Variants in LURAP1L observed in about 807,000 individuals in gnomAD.
LURAP1L encodes leucine rich adaptor protein 1-like.
In LURAP1L, 12 loss-of-function variants were observed where a neutral mutation model predicts 13.8. The ratio of observed to expected loss-of-function variants is 0.87; its 90% CI spans 0.56 to 1.41. The LOEUF (loss-of-function observed/expected upper bound fraction) is 1.41, where lower values mean the gene tolerates loss of function less well. LURAP1L is among the 40% of genes most tolerant of loss of function. The probability of loss-of-function intolerance (pLI) is 0.00; values close to 1 mark genes in which losing one functional copy is unlikely to be tolerated. For synonymous variants in LURAP1L, 139 were observed against 119.2 expected (o/e 1.17, Z -1.08); for missense variants, 375 against 292.9 (o/e 1.28, Z -2.04).
At chr9:12,802,328 G>C (rs558198629) in intron 1 of LURAP1L, among the ~76,000 whole-genome samples, 3 of 152,090 alleles carry the variant, frequency 2.0e-5, no homozygotes, top group South Asian at 2.1e-4. Context: ...CTGGTGGGAG[G>C]GGATAGAATC....
intron 1 of LURAP1L, among the ~76,000 whole-genome samples, chr9:12,812,337 T>A (rs1254366779): frequency 6.6e-6 from 1 of 152,212 alleles, no homozygotes; most frequent in East Asian, 1.9e-4. Context: ...ATTTAAATTT[T>A]AACAAGATTT....
intron 1 of LURAP1L, among the ~76,000 whole-genome samples, chr9:12,782,738 T>A (rs984158551): frequency 6.6e-6 from 1 of 152,212 alleles, no homozygotes; most frequent in Non-Finnish European, 1.5e-5. Context: ...TTAGGATCTT[T>A]TTTCTATTTC....
intron 1 of LURAP1L, among the ~76,000 whole-genome samples, chr9:12,780,804 T>C (rs771820111): frequency 2.6e-5 from 4 of 152,066 alleles, no homozygotes; most frequent in Non-Finnish European, 5.9e-5. Context: ...ATAAATTGTA[T>C]AAATAAGAAG....
chr9:12,790,576 A>C (rs1336127270), intron 1 of LURAP1L: 3 of 152,120 alleles, frequency 2.0e-5, no homozygotes, highest in African/African-American at 7.2e-5. Flanking sequence ...CGATTCACTA[A>C]AAAGAAAAAA....
chr9:12,786,835 AC>A (rs958031368), intron 1 of LURAP1L, among the ~76,000 whole-genome samples: 1 of 151,842 alleles, frequency 6.6e-6, no homozygotes, highest in Non-Finnish European at 1.5e-5. Flanking sequence ...GCTGGCCCAC[AC>A]CATGGAAAGT....
chr9:12,788,727 T>A (rs1310033915), intron 1 of LURAP1L, among the ~76,000 whole-genome samples: 1 of 151,958 alleles, frequency 6.6e-6, no homozygotes, highest in Non-Finnish European at 1.5e-5. Context: ...ATGTTAACAG[T>A]GATATCATTG....
intron 1 of LURAP1L, among the ~76,000 whole-genome samples, chr9:12,793,066 G>A (rs999670347): frequency 2.0e-5 from 3 of 151,926 alleles, no homozygotes; most frequent in South Asian, 2.1e-4. Flanking sequence ...TAGTCACTGG[G>A]CCCATGCTGA....
At chr9:12,817,720 G>C (rs1819822777) in intron 1 of LURAP1L, among the ~76,000 whole-genome samples, 1 of 152,166 alleles carries the variant, frequency 6.6e-6, no homozygotes, top group South Asian at 2.1e-4. Flanking sequence ...ATTTTTAATT[G>C]ATGGCTAGAC....
At chr9:12,793,819 G>A (rs185273001) in intron 1 of LURAP1L, among the ~76,000 whole-genome samples, 3 of 152,048 alleles carry the variant, frequency 2.0e-5, no homozygotes, top group South Asian at 2.1e-4. Flanking sequence ...GAAGAGTGGC[G>A]CCTGCACAAA....
intron 1 of LURAP1L, 143 bp from the exon 2 acceptor site, chr9:12,821,242 CA>C (rs1200595366): frequency 1.1e-5 from 11 of 970,530 alleles, no homozygotes; most frequent in African/African-American, 1.6e-5. Flanking sequence ...CAGCAATTAT[CA>C]AAAAGTTCCT....
At chr9:12,794,345 C>G (rs1043099198) in intron 1 of LURAP1L, among the ~76,000 whole-genome samples, 5 of 151,872 alleles carry the variant, frequency 3.3e-5, no homozygotes, top group Non-Finnish European at 7.4e-5. Context: ...TTGGATTGCA[C>G]CCAATTCTGT....
chr9:12,800,078 G>A (rs184278679), intron 1 of LURAP1L, among the ~76,000 whole-genome samples: 2 of 152,160 alleles, frequency 1.3e-5, no homozygotes, highest in East Asian at 1.9e-4. Flanking sequence ...TTTTCAGAAT[G>A]CAATACAATA....
intron 1 of LURAP1L, among the ~76,000 whole-genome samples, chr9:12,795,242 C>G (rs75146462): frequency 6.6e-6 from 1 of 151,952 alleles, no homozygotes; most frequent in Non-Finnish European, 1.5e-5. Flanking sequence ...GTAGTTAACT[C>G]TAACTTGTTA....
chr9:12,780,456 A>C (rs1819254482), intron 1 of LURAP1L, among the ~76,000 whole-genome samples: 1 of 152,182 alleles, frequency 6.6e-6, no homozygotes, highest in African/African-American at 2.4e-5. Flanking sequence ...AAAGGGGCTA[A>C]ACACTGTGGT....
intron 1 of LURAP1L, among the ~76,000 whole-genome samples, chr9:12,778,225 T>C (rs1326800): frequency 0.85 from 129,374 of 152,000 alleles, 55,239 homozygotes; most frequent in Non-Finnish European, 0.88. Context: ...TAAGACCCAA[T>C]AGGATGTAGG....
At chr9:12,780,459 A>C (rs1473944324) in intron 1 of LURAP1L, among the ~76,000 whole-genome samples, 1 of 152,212 alleles carries the variant, frequency 6.6e-6, no homozygotes, top group Non-Finnish European at 1.5e-5. Context: ...GGGGCTAAAC[A>C]CTGTGGTGGA....
At chr9:12,781,380 A>G (rs1412281306) in intron 1 of LURAP1L, among the ~76,000 whole-genome samples, 3 of 152,166 alleles carry the variant, frequency 2.0e-5, no homozygotes, top group Admixed American at 2.0e-4. Flanking sequence ...TAATGTATCC[A>G]TTAACCATTC....
intron 1 of LURAP1L, among the ~76,000 whole-genome samples, chr9:12,808,522 CT>C (rs975222541): frequency 6.6e-5 from 10 of 150,820 alleles, no homozygotes; most frequent in South Asian, 2.1e-4. Context: ...GGTTAGTAGT[CT>C]TTTTTTTTAA....
intron 1 of LURAP1L, among the ~76,000 whole-genome samples, chr9:12,811,767 C>T (rs1819739060): frequency 6.6e-6 from 1 of 152,174 alleles, no homozygotes; most frequent in South Asian, 2.1e-4. Flanking sequence ...CAAATCTTAA[C>T]AACTTAAAAC....
Sources: allele counts gnomAD v4.1 joint callset (sites outside exome capture counted in the v4.1 genomes callset), GRCh38; gene constraint gnomAD v4.1.1; transcripts MANE v1.5; gene names NCBI Gene and HGNC (gene_info 2026-07-23, HGNC 2026-07-21).